Variants in IL1RAPL1 observed in about 807,000 individuals in gnomAD.
IL1RAPL1 encodes the protein interleukin-1 receptor accessory protein-like 1.
In IL1RAPL1, 3 loss-of-function variants were observed where a neutral mutation model predicts 48.4. The ratio of observed to expected loss-of-function variants is 0.06; its 90% CI spans 0.03 to 0.16. The LOEUF (loss-of-function observed/expected upper bound fraction) is 0.16, where lower values mean the gene tolerates loss of function less well. Among genes scored for constraint, IL1RAPL1 ranks in the 10% least tolerant of loss-of-function variants. The probability of loss-of-function intolerance (pLI) is 1.00; values close to 1 mark genes in which losing one functional copy is unlikely to be tolerated. For missense variants in IL1RAPL1, 349 were observed against 530.6 expected (o/e 0.66, Z 3.36); for synonymous variants, 185 against 187.7 (o/e 0.99, Z 0.12).
chrX:28,953,565 GTAA>G (rs1349673781), intron 2 of IL1RAPL1, among the ~76,000 whole-genome samples: 1 of 111,086 alleles, frequency 9.0e-6, no homozygotes, highest in Non-Finnish European at 1.9e-5. Flanking sequence ...ACATTACAAA[GTAA>G]TAATACGTAG....
At chrX:29,450,667 T>C (rs1934668952) in intron 5 of IL1RAPL1, among the ~76,000 whole-genome samples, 1 of 111,673 alleles carries the variant, frequency 9.0e-6, no homozygotes, top group Non-Finnish European at 1.9e-5. Flanking sequence ...TCATTCAACC[T>C]TTAAAAAAAT....
At chrX:29,800,459 G>A (rs2147167003) in intron 6 of IL1RAPL1, among the ~76,000 whole-genome samples, 1 of 107,407 alleles carries the variant, frequency 9.3e-6, no homozygotes, top group South Asian at 4.2e-4. Context: ...TAAAATCTCT[G>A]TTTCTTTCTG....
At chrX:29,703,263 G>A (rs963182544) in intron 6 of IL1RAPL1, among the ~76,000 whole-genome samples, 11 of 111,358 alleles carry the variant, frequency 9.9e-5, no homozygotes, top group African/African-American at 1.6e-4. Context: ...AGAACATACC[G>A]AAAAATATTT....
intron 8 of IL1RAPL1, among the ~76,000 whole-genome samples, chrX:29,926,365 A>G (rs1051499198): frequency 9.0e-6 from 1 of 111,234 alleles, no homozygotes; most frequent in Non-Finnish European, 1.9e-5. Flanking sequence ...AGAATAATAA[A>G]CTCTTTAGTC....
At chrX:29,431,143 A>G (rs1367768726) in intron 5 of IL1RAPL1, among the ~76,000 whole-genome samples, 2 of 111,599 alleles carry the variant, frequency 1.8e-5, no homozygotes, top group Admixed American at 9.6e-5. Context: ...AGAGCCTACC[A>G]TAATGAACTG....
At chrX:29,162,756 A>G (rs959555539) in intron 2 of IL1RAPL1, among the ~76,000 whole-genome samples, 1 of 111,087 alleles carries the variant, frequency 9.0e-6, no homozygotes, top group Non-Finnish European at 1.9e-5. Flanking sequence ...TCTACCTTCA[A>G]GGAGGCAGCA....
intron 2 of IL1RAPL1, among the ~76,000 whole-genome samples, chrX:29,110,772 A>C (rs1324930986): frequency 1.8e-5 from 2 of 111,580 alleles, no homozygotes; most frequent in East Asian, 5.6e-4. Context: ...TTTGCCAAAA[A>C]CTTAAGTTTC....
chrX:29,904,699 T>C (rs1356381373), intron 6 of IL1RAPL1, among the ~76,000 whole-genome samples: 2 of 111,928 alleles, frequency 1.8e-5, no homozygotes, highest in African/African-American at 6.5e-5. Context: ...AAGGACATGA[T>C]CTCATTCCTT....
At chrX:29,354,985 A>G (rs1933282505) in intron 3 of IL1RAPL1, among the ~76,000 whole-genome samples, 1 of 111,954 alleles carries the variant, frequency 8.9e-6, no homozygotes, top group Non-Finnish European at 1.9e-5. Flanking sequence ...AAAAACAAAG[A>G]AAGAAGGGTA....
chrX:29,448,820 C>A (rs1351439738), intron 5 of IL1RAPL1, among the ~76,000 whole-genome samples: 1 of 111,635 alleles, frequency 9.0e-6, no homozygotes, highest in African/African-American at 3.3e-5. Context: ...AGTCCAAGAT[C>A]AAGGTGCTGA....
rs755249802 is a variant in IL1RAPL1, at chrX:29,898,018, A to G, written c.779-19446A>G. On this transcript the variant is annotated intron_variant, in intron 6 of 10. Transcript: ENST00000378993. ...ATATTATAAAAATTTAAATGTTGGG[A>G]AATAAAGACTCATATAAAAAAGATA... is the stretch of plus-strand genomic sequence containing the variant. Among the ~76,000 whole-genome samples the G allele has an allele frequency of 2.6e-3, 295 of 111,855 alleles. 3 individuals are homozygous for G. The highest frequency in any genetic ancestry group is 9.3e-3 in the African/African-American group (287 of 30,845).
At chrX:28,797,276 G>T (rs113844642) in intron 2 of IL1RAPL1, among the ~76,000 whole-genome samples, 1,936 of 111,705 alleles carry the variant, frequency 0.017, 47 homozygotes, top group African/African-American at 0.059. Flanking sequence ...TTAACATTCG[G>T]TTCCTCATTA....
At chrX:29,490,627 CA>C (rs983437357) in intron 5 of IL1RAPL1, among the ~76,000 whole-genome samples, 4 of 111,674 alleles carry the variant, frequency 3.6e-5, no homozygotes, top group African/African-American at 1.3e-4. Flanking sequence ...TTTCAAGCTA[CA>C]AAATAGGAAA....
intron 2 of IL1RAPL1, among the ~76,000 whole-genome samples, chrX:29,052,488 G>A (rs761707762): frequency 1.3e-4 from 14 of 111,337 alleles, no homozygotes; most frequent in Admixed American, 5.8e-4. Context: ...ACCTGGTTGT[G>A]TAATAGATCA....
At chrX:28,945,707 G>A (rs745606144) in intron 2 of IL1RAPL1, among the ~76,000 whole-genome samples, 1 of 109,939 alleles carries the variant, frequency 9.1e-6, no homozygotes, top group African/African-American at 3.3e-5. Context: ...CATGGCACAC[G>A]TATACCTATG....
intron 5 of IL1RAPL1, among the ~76,000 whole-genome samples, chrX:29,425,258 CAG>C (rs1934336790): frequency 8.9e-6 from 1 of 111,999 alleles, no homozygotes; most frequent in Non-Finnish European, 1.9e-5. Flanking sequence ...CTTAGAAAAA[CAG>C]AAAGTCCAAG....
chrX:29,142,720 A>G (rs1391424168), intron 2 of IL1RAPL1, among the ~76,000 whole-genome samples: 2 of 109,087 alleles, frequency 1.8e-5, no homozygotes, highest in East Asian at 5.8e-4. Context: ...TTGGAGACAC[A>G]GTCTTGCTCT....
intron 2 of IL1RAPL1, among the ~76,000 whole-genome samples, chrX:29,169,748 A>C (rs778043291): frequency 9.0e-6 from 1 of 110,960 alleles, no homozygotes; most frequent in South Asian, 3.7e-4. Context: ...TGAAAATGTT[A>C]TCAGTGGTCC....
chrX:28,832,822 A>ATTTTTTTTTTTTTTTTTT (rs199869467), intron 2 of IL1RAPL1, among the ~76,000 whole-genome samples: 1 of 80,420 alleles, frequency 1.2e-5, no homozygotes, highest in Non-Finnish European at 2.3e-5. Flanking sequence ...ATTTTTTTCA[A>ATTTTTTTTTTTTTTTTTT]TTTTTTTTTT....
Sources: gnomAD v4.1 joint callset for allele counts (sites outside exome capture counted in the v4.1 genomes callset) on GRCh38, gnomAD v4.1.1 for gene constraint, MANE v1.5 for transcripts, NCBI Gene and HGNC (gene_info 2026-07-23, HGNC 2026-07-21) for gene names.